The following ANO4 variants were observed in gnomAD, a reference collection of about 807,000 sequenced individuals.
ANO4 encodes the protein anoctamin-4.
A neutral mutation model predicts 141.9 loss-of-function variants in ANO4; 69 were observed. That is an observed-to-expected ratio of 0.49 (90% CI 0.40 to 0.59). The LOEUF is 0.59. ANO4 is among the 20% of genes least tolerant of loss of function. The pLI, the probability that ANO4 is intolerant of heterozygous loss-of-function variation, is 0.00. For missense variants in ANO4, 894 were observed against 1,162.2 expected (o/e 0.77, Z 3.36); for synonymous variants, 350 against 394.3 (o/e 0.89, Z 1.33).
At chr12:100,934,188 A>G (rs1034769463) in intron 3 of ANO4, among the ~76,000 whole-genome samples, 12 of 152,132 alleles carry the variant, frequency 7.9e-5, no homozygotes, top group Admixed American at 3.9e-4. Context: ...TTTGTCCTGA[A>G]TAGTATTGCC....
Position 100,785,150 on chromosome 12 carries a change from C to T in ANO4, c.358+45045C>T, listed in dbSNP as rs563162297. ...GAATGTACAGAGATTTCCCACACACCCTCTGCCTCCCACATATGCATAGCT... is the reference window on the plus strand; with the variant it reads ...GAATGTACAGAGATTTCCCACACACTCTCTGCCTCCCACATATGCATAGCT... On this transcript the variant is annotated intron_variant, in intron 3 of 29. Transcript: ENST00000644049. Among the ~76,000 whole-genome samples the T allele has an allele frequency of 4.6e-5, 7 of 152,150 alleles. No homozygotes were observed. The South Asian group carries it at 1.2e-3, about 27-fold the overall frequency.
chr12:100,782,756 T>C (rs2033750066), intron 3 of ANO4, among the ~76,000 whole-genome samples: 1 of 151,416 alleles, frequency 6.6e-6, no homozygotes, highest in Admixed American at 6.6e-5. Context: ...TGATATTTTA[T>C]AGACTTCCTT....
At chr12:100,738,331 C>T (rs987268373) in intron 2 of ANO4, among the ~76,000 whole-genome samples, 1 of 152,132 alleles carries the variant, frequency 6.6e-6, no homozygotes, top group Non-Finnish European at 1.5e-5. Flanking sequence ...AATACTGTGG[C>T]TTCATTGTTG....
At chr12:100,847,061 C>T (rs1401318680) in intron 1 of ANO4, among the ~76,000 whole-genome samples, 1 of 152,202 alleles carries the variant, frequency 6.6e-6, no homozygotes, top group Non-Finnish European at 1.5e-5. Flanking sequence ...CCTTAGCATC[C>T]TGGGCCTCCA....
At chr12:101,097,746 T>C (rs773915430) in intron 20 of ANO4, 38 bp downstream of exon 20, 6 of 1,611,850 alleles carry the variant, frequency 3.7e-6, no homozygotes, top group Non-Finnish European at 5.1e-6. Flanking sequence ...TCCGACAGAC[T>C]TGCATTAAAC....
rs138388228 is a variant in ANO4, at chr12:100,835,023, A to T, written c.-141+39996A>T. 2.5e-3 allele frequency among the ~76,000 whole-genome samples: 378 copies of T among 152,272 alleles called. 2 individuals carry two copies. Among genetic ancestry groups the T allele is most frequent in the Non-Finnish European group, 3.6e-3 (242 of 68,006 alleles). On this transcript the variant is annotated intron_variant, in intron 1 of 27. Coordinates refer to ENST00000392977, the MANE Select transcript of ANO4 (RefSeq NM_001286615.2). ...GTAGGAGGGAACCAGACTACCATAG[A>T]TGCGACACATGAACAAGATGTGGCC...
At chr12:101,075,086 A>C (rs939142660) in intron 14 of ANO4, among the ~76,000 whole-genome samples, 2 of 152,152 alleles carry the variant, frequency 1.3e-5, no homozygotes, top group Non-Finnish European at 2.9e-5. Context: ...GCATGGGTGC[A>C]CAGGGATGAT....
At chr12:100,925,243 A>T (rs2041814053) in intron 3 of ANO4, among the ~76,000 whole-genome samples, 1 of 152,050 alleles carries the variant, frequency 6.6e-6, no homozygotes, top group South Asian at 2.1e-4. Context: ...AAGCATAAAA[A>T]TAGGTAGCTT....
At chr12:101,106,571 G>GTA (rs1449953464) in intron 22 of ANO4, among the ~76,000 whole-genome samples, 438 of 111,084 alleles carry the variant, frequency 3.9e-3, no homozygotes, top group Non-Finnish European at 5.7e-3. Flanking sequence ...GTGTGTGTGT[G>GTA]TGTATATATA....
At position 100,864,763 on chromosome 12, in the gene ANO4, G is replaced by A. The variant is rs796278093; in HGVS notation, c.-140-36883G>A. Among the ~76,000 whole-genome samples the A allele has an allele frequency of 5.3e-4, 80 of 152,184 alleles. 1 individual carries two copies. Among genetic ancestry groups the A allele is most frequent in the African/African-American group, 1.7e-3 (71 of 41,532 alleles). The stretch of plus-strand genomic sequence containing the variant: ...AGGTTTGTTACATAGATATACATGC[G>A]CCATGGTGGTTTGCTGCACCCATCA... On this transcript the variant is annotated intron_variant, in intron 1 of 27. Coordinates refer to ENST00000392977, the MANE Select transcript of ANO4 (RefSeq NM_001286615.2).
chr12:100,749,890 G>A (rs1287161797), intron 3 of ANO4, among the ~76,000 whole-genome samples: 2 of 152,116 alleles, frequency 1.3e-5, no homozygotes, highest in Admixed American at 6.6e-5. Flanking sequence ...ATAATGCGAG[G>A]GACATTTTAG....
At chr12:100,883,825 T>C (rs2039688974) in intron 1 of ANO4, among the ~76,000 whole-genome samples, 1 of 152,250 alleles carries the variant, frequency 6.6e-6, no homozygotes, top group East Asian at 1.9e-4. Context: ...ATGTGCCTTG[T>C]TTTGAGCTAT....
intron 9 of ANO4, among the ~76,000 whole-genome samples, chr12:101,021,812 A>T (rs1385370147): frequency 1.3e-5 from 2 of 152,194 alleles, no homozygotes; most frequent in Non-Finnish European, 2.9e-5. Context: ...TGCTTATTTT[A>T]TTCATTTACA....
At chr12:100,895,520 T>G (rs1270372428) in intron 1 of ANO4, among the ~76,000 whole-genome samples, 1 of 150,206 alleles carries the variant, frequency 6.7e-6, no homozygotes, top group Non-Finnish European at 1.5e-5. Flanking sequence ...TTTTGAGGAG[T>G]AAAGAAAATA....
Position 100,718,447 on chromosome 12 carries a change from A to G in ANO4, c.22+900A>G, listed in dbSNP as rs549623607. 7.0e-4 allele frequency among the ~76,000 whole-genome samples: 107 copies of G among 152,332 alleles called. 2 individuals are homozygous for G. The South Asian group carries it at 0.021, about 30-fold the overall frequency. Reference sequence around the variant, plus strand: ...CATTTTAAAGGGGAAAGCTGTGAGCAATTGATGGGGAATGTTCTGCAGGGA... The same window carrying G: ...CATTTTAAAGGGGAAAGCTGTGAGCGATTGATGGGGAATGTTCTGCAGGGA... On this transcript the variant is annotated intron_variant, in intron 1 of 29. Transcript: ENST00000644049.
chr12:100,897,303 G>A (rs1404785722), intron 1 of ANO4, among the ~76,000 whole-genome samples: 1 of 152,240 alleles, frequency 6.6e-6, no homozygotes, highest in Admixed American at 6.5e-5. Context: ...ATGAGGCTGA[G>A]GGAGGCAGCT....
At position 100,914,877 on chromosome 12, in the gene ANO4, T is replaced by C. The variant is rs2041265020; in HGVS notation, c.56-7349T>C. Among the ~76,000 whole-genome samples, 3 of 152,176 alleles carry C rather than the reference T, an allele frequency of 2.0e-5. No homozygotes were observed. The South Asian group carries it at 6.2e-4, about 32-fold the overall frequency. On this transcript the variant is annotated intron_variant, in intron 2 of 27. Transcript: ENST00000392977. ...TTGCCCAGGCTGGAGTGCAGTGGCA[T>C]GATCATAGCTCACTTCAGCCTCAAA...
At chr12:100,817,074 G>T (rs1476994243) in intron 1 of ANO4, among the ~76,000 whole-genome samples, 1 of 151,696 alleles carries the variant, frequency 6.6e-6, no homozygotes, top group Non-Finnish European at 1.5e-5. Flanking sequence ...TTTGCCTTTG[G>T]GTCATTATTT....
intron 1 of ANO4, among the ~76,000 whole-genome samples, chr12:100,840,467 CAG>C (rs369615600): frequency 2.6e-5 from 4 of 152,008 alleles, no homozygotes; most frequent in Non-Finnish European, 5.9e-5. Context: ...AACTGAGACA[CAG>C]AGAGAGTAAA....
Sources: allele counts gnomAD v4.1 joint callset (sites outside exome capture counted in the v4.1 genomes callset), GRCh38; gene constraint gnomAD v4.1.1; transcripts MANE v1.5; gene names NCBI Gene and HGNC (gene_info 2026-07-23, HGNC 2026-07-21).